Variants in PHF24 observed in about 807,000 individuals in gnomAD.
PHF24 encodes Galpha inhibitory interacting protein.
Under a neutral mutation model 42.6 loss-of-function variants are expected in PHF24, and 25 were observed. The observed-to-expected ratio is 0.59, with a 90% CI of 0.43 to 0.82. PHF24 has a LOEUF of 0.82. PHF24 is among the 40% of genes least tolerant of loss of function. The pLI is 0.00. For synonymous variants in PHF24, 185 were observed against 204.8 expected (o/e 0.90, Z 0.83); for missense variants, 470 against 538.1 (o/e 0.87, Z 1.25).
chr9:34,755,148 T>C, the PHF24 span, among the ~76,000 whole-genome samples: 1 of 152,092 alleles, frequency 6.6e-6, no homozygotes. Context: ...CGATAGCACT[T>C]CAGAGTGACT....
chr9:34,771,497 C>T, the PHF24 span, among the ~76,000 whole-genome samples: 2 of 152,190 alleles, frequency 1.3e-5, no homozygotes, highest in East Asian at 3.8e-4. Flanking sequence ...TAATTATAGA[C>T]TCATGGAAAA....
At chr9:34,968,363 G>A (rs1826852976) in intron 1 of PHF24, among the ~76,000 whole-genome samples, 1 of 152,128 alleles carries the variant, frequency 6.6e-6, no homozygotes, top group Admixed American at 6.5e-5. Flanking sequence ...GTCCACTGAG[G>A]CATGAATACC....
At chr9:34,721,575 T>A in the PHF24 span, among the ~76,000 whole-genome samples, 1 of 152,162 alleles carries the variant, frequency 6.6e-6, no homozygotes, top group Non-Finnish European at 1.5e-5. Flanking sequence ...CACGCCCAGA[T>A]AATTTTTGTA....
At chr9:34,672,579 G>A in the PHF24 span, among the ~76,000 whole-genome samples, 1 of 152,116 alleles carries the variant, frequency 6.6e-6, no homozygotes. Flanking sequence ...GGGACTCTCT[G>A]CAGGGTCGTG....
chr9:34,883,808 G>A, the PHF24 span, among the ~76,000 whole-genome samples: 2 of 152,188 alleles, frequency 1.3e-5, no homozygotes, highest in African/African-American at 4.8e-5. Flanking sequence ...ACAGTGTGGC[G>A]ATTCCTCAAG....
the PHF24 span, among the ~76,000 whole-genome samples, chr9:34,911,645 G>C: frequency 5.3e-5 from 8 of 151,992 alleles, no homozygotes; most frequent in Admixed American, 4.6e-4. Context: ...GTTTTGTCTA[G>C]AAATTTTCCA....
chr9:34,740,248 C>G, the PHF24 span, among the ~76,000 whole-genome samples: 1 of 152,234 alleles, frequency 6.6e-6, no homozygotes, highest in African/African-American at 2.4e-5. Context: ...CTCCTCAGCC[C>G]TTGGGTGGTC....
At chr9:34,796,563 ACACTT>A in the PHF24 span, among the ~76,000 whole-genome samples, 1 of 152,232 alleles carries the variant, frequency 6.6e-6, no homozygotes. Context: ...GCTCAAAAAG[ACACTT>A]CACCAAAGAT....
At chr9:34,665,918 G>T in the PHF24 span, 41 of 564,832 alleles carry the variant, frequency 7.3e-5, no homozygotes, top group Non-Finnish European at 1.1e-4. Context: ...GAGAGGTTTG[G>T]CGGTCATGGG....
chr9:34,832,370 G>T, the PHF24 span: 1 of 880,126 alleles, frequency 1.1e-6, no homozygotes, highest in South Asian at 1.5e-5. Flanking sequence ...GGTGGCCTGG[G>T]GTTGAGGCAG....
the PHF24 span, among the ~76,000 whole-genome samples, chr9:34,872,193 AT>A: frequency 3.1e-5 from 3 of 97,914 alleles, no homozygotes; most frequent in African/African-American, 3.2e-5. Flanking sequence ...TATTTTTATT[AT>A]TTTTTTATTT....
chr9:34,838,116 A>C, the PHF24 span, among the ~76,000 whole-genome samples: 4 of 152,218 alleles, frequency 2.6e-5, no homozygotes, highest in Non-Finnish European at 5.9e-5. Flanking sequence ...CTAGGTCTCT[A>C]TTCAAGTCAA....
chr9:34,976,068 T>C, intron 3 of PHF24, 84 bp from the exon 4 acceptor site: 1 of 936,974 alleles, frequency 1.1e-6, no homozygotes, highest in Non-Finnish European at 1.8e-6. Flanking sequence ...TGCTTTCCAG[T>C]TGAAATTCTA....
chr9:34,886,652 C>T, the PHF24 span, among the ~76,000 whole-genome samples: 2 of 152,086 alleles, frequency 1.3e-5, no homozygotes, highest in African/African-American at 4.8e-5. Context: ...AATCTTTTAA[C>T]ATTAAAGAGT....
chr9:34,767,819 C>T, the PHF24 span, among the ~76,000 whole-genome samples: 6 of 152,232 alleles, frequency 3.9e-5, no homozygotes, highest in African/African-American at 1.4e-4. Context: ...GAGCTGTAGA[C>T]CGGAGCTGTT....
At chr9:34,820,688 A>T in the PHF24 span, among the ~76,000 whole-genome samples, 6 of 152,034 alleles carry the variant, frequency 3.9e-5, no homozygotes, top group Admixed American at 3.3e-4. Flanking sequence ...TACTACTGTG[A>T]TTAATATTTG....
the PHF24 span, among the ~76,000 whole-genome samples, chr9:34,888,330 A>C: frequency 6.6e-6 from 1 of 152,168 alleles, no homozygotes; most frequent in Non-Finnish European, 1.5e-5. Flanking sequence ...GTTCACTGTT[A>C]TCTCTGTAGT....
At chr9:34,863,415 CAGAG>C in the PHF24 span, among the ~76,000 whole-genome samples, 5,750 of 147,008 alleles carry the variant, frequency 0.039, 341 homozygotes, top group African/African-American at 0.13. Flanking sequence ...GCTGGCTCAT[CAGAG>C]AGAGAGAGAG....
At chr9:34,723,122 C>G in the PHF24 span, 1 of 1,310,684 alleles carries the variant, frequency 7.6e-7, no homozygotes, top group Non-Finnish European at 1.0e-6. Flanking sequence ...AATGACAATA[C>G]TGGTCCTCTG....
Sources: gnomAD v4.1 joint callset for allele counts (sites outside exome capture counted in the v4.1 genomes callset) on GRCh38, gnomAD v4.1.1 for gene constraint, MANE v1.5 for transcripts, NCBI Gene and HGNC (gene_info 2026-07-23, HGNC 2026-07-21) for gene names.